AGBL4: variants seen among roughly 807,000 people sequenced by gnomAD.
AGBL4 encodes the protein AGBL carboxypeptidase 4, also known as cytosolic carboxypeptidase 6.
Under a neutral mutation model 66.4 loss-of-function variants are expected in AGBL4, and 58 were observed. The ratio of observed to expected loss-of-function variants is 0.87; its 90% confidence interval spans 0.71 to 1.09. The LOEUF is 1.09. Among genes scored for constraint, AGBL4 ranks in the 50% least tolerant of loss-of-function variants. The pLI is 0.00. For synonymous variants in AGBL4, 234 were observed against 222.9 expected, an observed-to-expected ratio of 1.05 and a Z score of -0.44; for missense variants, 579 against 631.0, an observed-to-expected ratio of 0.92 and a Z score of 0.88.
At chr1:49,896,303 C>T (rs1473204909) in intron 1 of AGBL4, among the ~76,000 whole-genome samples, 1 of 152,024 alleles carries the variant, frequency 6.6e-6, no homozygotes, top group East Asian at 1.9e-4. Flanking sequence ...AAACACCCTG[C>T]TTTCAGCATC....
intron 5 of AGBL4, among the ~76,000 whole-genome samples, chr1:48,947,190 G>C (rs950537000): frequency 6.6e-6 from 1 of 152,184 alleles, no homozygotes; most frequent in Non-Finnish European, 1.5e-5. Flanking sequence ...TGATGCTCCA[G>C]GTTAGGTTAG....
At chr1:49,518,975 T>A (rs933695292) in intron 3 of AGBL4, among the ~76,000 whole-genome samples, 2 of 152,074 alleles carry the variant, frequency 1.3e-5, no homozygotes, top group African/African-American at 4.8e-5. Flanking sequence ...GGGTTATAAA[T>A]AATCCCTCTT....
chr1:49,403,778 C>T (rs561347534), intron 3 of AGBL4, among the ~76,000 whole-genome samples: 238 of 152,102 alleles, frequency 1.6e-3, no homozygotes, highest in Non-Finnish European at 1.9e-3. Flanking sequence ...CAAGGCCCTG[C>T]TTGATTTATT....
chr1:49,855,255 GATA>G (rs1322594303), intron 1 of AGBL4, among the ~76,000 whole-genome samples: 1 of 151,996 alleles, frequency 6.6e-6, no homozygotes, highest in Non-Finnish European at 1.5e-5. Flanking sequence ...AGAACATCCA[GATA>G]TATAAAGCAA....
intron 7 of AGBL4, among the ~76,000 whole-genome samples, chr1:48,656,379 G>C (rs1646020857): frequency 6.6e-6 from 1 of 152,150 alleles, no homozygotes; most frequent in Non-Finnish European, 1.5e-5. Context: ...TGACTGTGTG[G>C]GATTAGTTGA....
chr1:49,517,694 G>A (rs1649944712), intron 3 of AGBL4, among the ~76,000 whole-genome samples: 1 of 151,866 alleles, frequency 6.6e-6, no homozygotes, highest in Non-Finnish European at 1.5e-5. Flanking sequence ...TCCACATAGA[G>A]TTTATCTTTA....
At chr1:49,758,021 A>C (rs3903685) in intron 2 of AGBL4, among the ~76,000 whole-genome samples, 103,823 of 151,966 alleles carry the variant, frequency 0.68, 36,179 homozygotes, top group African/African-American at 0.77. Context: ...GCCCAGGGCA[A>C]TCCCCAGCTC....
intron 3 of AGBL4, among the ~76,000 whole-genome samples, chr1:49,261,489 A>G (rs1431252650): frequency 6.7e-6 from 1 of 150,120 alleles, no homozygotes; most frequent in Non-Finnish European, 1.5e-5. Context: ...ATGTACAAAA[A>G]TCACAAGCAT....
At chr1:49,002,484 AC>A (rs1661468795) in intron 5 of AGBL4, among the ~76,000 whole-genome samples, 1 of 152,240 alleles carries the variant, frequency 6.6e-6, no homozygotes. Flanking sequence ...CATTCTCTGT[AC>A]CTTCAAAACA....
chr1:49,986,654 C>T (rs924735398), intron 1 of AGBL4, among the ~76,000 whole-genome samples: 15 of 152,196 alleles, frequency 9.9e-5, no homozygotes, highest in Admixed American at 6.5e-4. Context: ...GCTCCACATA[C>T]TGTGTGGCAG....
At chr1:49,503,038 C>T (rs546778306) in intron 3 of AGBL4, among the ~76,000 whole-genome samples, 2 of 152,050 alleles carry the variant, frequency 1.3e-5, no homozygotes, top group Non-Finnish European at 2.9e-5. Context: ...GGGCCCCTAC[C>T]ATCACAGACC....
chr1:48,876,070 T>C (rs1649192175), intron 5 of AGBL4, among the ~76,000 whole-genome samples: 1 of 152,176 alleles, frequency 6.6e-6, no homozygotes, highest in Admixed American at 6.5e-5. Context: ...ACAACTCAAG[T>C]GTGATCTTTT....
rs1331264886 is a variant in AGBL4, at chr1:49,875,425, C to T, written c.35-23907G>A. On this transcript the variant is annotated intron_variant, in intron 1 of 13. Transcript: ENST00000371839. The stretch of plus-strand genomic sequence containing the variant: ...TGCGGTGTTTGGTTTTTTGTTCTTG[C>T]GATAGTTTACTGAGAATGATGGTTT... Among the ~76,000 whole-genome samples the T allele has an allele frequency of 9.0e-4, 125 of 138,396 alleles. 1 individual carries two copies. Among genetic ancestry groups the T allele is most frequent in the African/African-American group, 2.9e-3 (107 of 37,192 alleles). The allele number at this position is 138,396 out of a possible 152,430, so 90.8% of individuals were successfully genotyped here. A position where few individuals can be genotyped will look rare whatever the true frequency, so the allele number is the denominator to read the frequency against.
At chr1:48,788,083 G>A (rs1220143343) in intron 6 of AGBL4, among the ~76,000 whole-genome samples, 1 of 152,190 alleles carries the variant, frequency 6.6e-6, no homozygotes, top group South Asian at 2.1e-4. Context: ...TTATCACCAA[G>A]GTACTGTGAA....
At position 49,830,927 on chromosome 1, in the gene AGBL4, G is replaced by A. The variant is rs372606010; in HGVS notation, c.157+20469C>T. The stretch of plus-strand genomic sequence containing the variant: ...AAGATCAGATGGTTGTAGATGTGTG[G>A]TGTTATTTCTGAGGCCTCTGTTCTG... On this transcript the variant is annotated intron_variant, in intron 2 of 13. Coordinates refer to ENST00000371839, the MANE Select transcript of AGBL4 (RefSeq NM_032785.4). Among the ~76,000 whole-genome samples the A allele has an allele frequency of 3.3e-4, 50 of 152,216 alleles. 1 individual carries two copies. In the South Asian group the frequency reaches 9.5e-3, roughly 29 times the overall value.
At chr1:49,555,311 G>A (rs1267299735) in intron 3 of AGBL4, among the ~76,000 whole-genome samples, 1 of 150,656 alleles carries the variant, frequency 6.6e-6, no homozygotes, top group African/African-American at 2.4e-5. Flanking sequence ...TAGACACAGA[G>A]CACTGATTGG....
chr1:49,066,269 C>A (rs964378699), intron 4 of AGBL4, among the ~76,000 whole-genome samples: 1 of 152,162 alleles, frequency 6.6e-6, no homozygotes, highest in Non-Finnish European at 1.5e-5. Flanking sequence ...ATGAGTCCCA[C>A]TTGGCTGGGC....
At chr1:49,476,550 G>A (rs528873416) in intron 3 of AGBL4, among the ~76,000 whole-genome samples, 2 of 151,852 alleles carry the variant, frequency 1.3e-5, no homozygotes, top group Non-Finnish European at 2.9e-5. Flanking sequence ...TTTTTTCTTA[G>A]GTCTAAAAGT....
At chr1:49,009,983 C>G (rs1662253911) in intron 5 of AGBL4, among the ~76,000 whole-genome samples, 2 of 152,018 alleles carry the variant, frequency 1.3e-5, no homozygotes, top group African/African-American at 4.8e-5. Flanking sequence ...CAGGGATGCC[C>G]TCTCTCACCA....
Sources: allele counts gnomAD v4.1 joint callset (sites outside exome capture counted in the v4.1 genomes callset), GRCh38; gene constraint gnomAD v4.1.1; transcripts MANE v1.5; gene names NCBI Gene and HGNC (gene_info 2026-07-23, HGNC 2026-07-21).